Variants in ANXA4 observed in about 807,000 individuals in gnomAD.
ANXA4 encodes the protein 35-beta calcimedin.
In ANXA4, 39 loss-of-function variants were observed where a neutral mutation model predicts 49.8. The observed-to-expected ratio is 0.78, with a 90% CI of 0.61 to 1.02. The LOEUF is 1.02. Among genes scored for constraint, ANXA4 ranks in the 50% least tolerant of loss-of-function variants. The probability of loss-of-function intolerance (pLI) is 0.00; values close to 1 mark genes in which losing one functional copy is unlikely to be tolerated. For missense variants in ANXA4, 360 were observed against 410.1 expected (o/e 0.88, Z 1.05); for synonymous variants, 134 against 152.5 (o/e 0.88, Z 0.89).
intron 2 of ANXA4, among the ~76,000 whole-genome samples, chr2:69,676,879 C>T (rs1387846267): frequency 2.0e-5 from 3 of 151,724 alleles, no homozygotes; most frequent in Admixed American, 6.6e-5. Flanking sequence ...GGCGACAGAG[C>T]GGGGGAAAAA....
chr2:69,706,709 C>T (rs1049665036), intron 2 of ANXA4, among the ~76,000 whole-genome samples: 4 of 152,180 alleles, frequency 2.6e-5, no homozygotes, highest in African/African-American at 7.2e-5. Context: ...ATACATCTGC[C>T]TATTCTGGAC....
chr2:69,739,404 A>C (rs1461708367), upstream of ANXA4, among the ~76,000 whole-genome samples: 1 of 151,196 alleles, frequency 6.6e-6, no homozygotes, highest in Non-Finnish European at 1.5e-5. Context: ...TATTTAAAAA[A>C]GTGGTTTTTT....
intron 2 of ANXA4, among the ~76,000 whole-genome samples, chr2:69,706,292 CTTTTTTTTTTTTT>C (rs916740716): frequency 1.3e-3 from 75 of 59,318 alleles, no homozygotes; most frequent in African/African-American, 5.1e-3. Flanking sequence ...GGTACAATTC[CTTTTTTTTTTTTT>C]TTTTTTTTTT....
chr2:69,705,093 C>T (rs1449133838), intron 2 of ANXA4, among the ~76,000 whole-genome samples: 1 of 151,792 alleles, frequency 6.6e-6, no homozygotes, highest in African/African-American at 2.4e-5. Context: ...TGAGACCAGC[C>T]TGGGTGACAT....
intron 2 of ANXA4, among the ~76,000 whole-genome samples, chr2:69,715,958 G>A (rs940636502): frequency 6.6e-6 from 1 of 152,120 alleles, no homozygotes; most frequent in Non-Finnish European, 1.5e-5. Flanking sequence ...CTAGTCATGG[G>A]CCAAGTGCTG....
intron 3 of ANXA4, among the ~76,000 whole-genome samples, chr2:69,732,797 C>T (rs1670140830): frequency 1.3e-5 from 2 of 152,086 alleles, no homozygotes; most frequent in Admixed American, 6.6e-5. Flanking sequence ...GTGCCAAAAG[C>T]GGACCTTAGT....
intron 3 of ANXA4, among the ~76,000 whole-genome samples, chr2:69,733,417 A>AAT (rs1408655089): frequency 2.1e-4 from 32 of 152,140 alleles, no homozygotes; most frequent in African/African-American, 7.7e-4. Flanking sequence ...CAATCTGGGC[A>AAT]ATATAGTGAG....
rs368406744 is a variant in ANXA4, at chr2:69,808,009, C to G, written c.397+13C>G. 1.2e-6 allele frequency: 2 copies of G among 1,613,024 alleles called. No individual in the cohort carries two copies. The highest frequency in any genetic ancestry group is 1.7e-6 in the Non-Finnish European group (2 of 1,179,080). On this transcript the variant is annotated intron_variant, in intron 6 of 12. Transcript: ENST00000394295. The stretch of plus-strand genomic sequence containing the variant: ...ACCTACCAGCAGCGTACGTGACATC[C>G]GCAGTGGCCCTGGCTGAGGTTTCGC...
At chr2:69,773,794 G>A (rs185754974) in intron 1 of ANXA4, among the ~76,000 whole-genome samples, 3 of 151,442 alleles carry the variant, frequency 2.0e-5, no homozygotes, top group East Asian at 3.9e-4. Context: ...ACCACGCCTG[G>A]CTAATTTTTG....
chr2:69,779,927 C>G (rs7583731), intron 1 of ANXA4, among the ~76,000 whole-genome samples: 6,660 of 152,190 alleles, frequency 0.044, 500 homozygotes, highest in African/African-American at 0.15. Context: ...TTAGTTGAAC[C>G]CCCAGGTAAT....
intron 3 of ANXA4, among the ~76,000 whole-genome samples, chr2:69,791,528 A>G (rs947097383): frequency 6.6e-6 from 1 of 152,236 alleles, no homozygotes; most frequent in Non-Finnish European, 1.5e-5. Context: ...CACTTTGCTT[A>G]GTTATCAAAG....
At chr2:69,824,302 A>G (rs1252103364) in intron 12 of ANXA4, among the ~76,000 whole-genome samples, 1 of 152,076 alleles carries the variant, frequency 6.6e-6, no homozygotes, top group East Asian at 1.9e-4. Context: ...CAGGACTTCA[A>G]GACCAGCCTG....
chr2:69,683,713 C>G (rs1460406686), intron 2 of ANXA4, among the ~76,000 whole-genome samples: 1 of 152,110 alleles, frequency 6.6e-6, no homozygotes, highest in African/African-American at 2.4e-5. Flanking sequence ...GCCAAGAGCC[C>G]TTAGAAAGAT....
intron 2 of ANXA4, among the ~76,000 whole-genome samples, chr2:69,710,432 A>C (rs1559099679): frequency 6.6e-6 from 1 of 152,228 alleles, no homozygotes; most frequent in Non-Finnish European, 1.5e-5. Context: ...AAAGAAATGA[A>C]GTTTTCCTTT....
intron 8 of ANXA4, among the ~76,000 whole-genome samples, chr2:69,813,889 C>T (rs1573309608): frequency 6.6e-6 from 1 of 151,092 alleles, no homozygotes; most frequent in East Asian, 2.0e-4. Flanking sequence ...TCCTGAGTAT[C>T]TGGGATTACA....
At chr2:69,691,718 T>A (rs1282808603) in intron 2 of ANXA4, among the ~76,000 whole-genome samples, 1 of 151,750 alleles carries the variant, frequency 6.6e-6, no homozygotes, top group East Asian at 1.9e-4. Context: ...AGGGCTGGAG[T>A]GAGCCTTCTG....
intron 2 of ANXA4, among the ~76,000 whole-genome samples, chr2:69,711,480 A>G (rs930339699): frequency 2.0e-5 from 3 of 152,242 alleles, no homozygotes; most frequent in African/African-American, 7.2e-5. Flanking sequence ...TTTATATGAT[A>G]TTTTAGAAAA....
At chr2:69,802,711 A>AAC (rs1451737788) in intron 3 of ANXA4, among the ~76,000 whole-genome samples, 3 of 80,618 alleles carry the variant, frequency 3.7e-5, no homozygotes, top group African/African-American at 1.3e-4. Flanking sequence ...CTCTGTCTCA[A>AAC]AAAAAAAAAA....
intron 2 of ANXA4, among the ~76,000 whole-genome samples, chr2:69,783,135 T>A (rs1478325989): frequency 6.6e-6 from 1 of 152,252 alleles, no homozygotes; most frequent in Non-Finnish European, 1.5e-5. Flanking sequence ...AATGAGATAA[T>A]GTAATGTTTA....
Sources: allele counts gnomAD v4.1 joint callset (sites outside exome capture counted in the v4.1 genomes callset), GRCh38; gene constraint gnomAD v4.1.1; transcripts MANE v1.5; gene names NCBI Gene and HGNC (gene_info 2026-07-23, HGNC 2026-07-21).